MAPKAP1: variants seen among roughly 807,000 people sequenced by gnomAD.
The protein encoded by MAPKAP1 is MAPK associated protein 1.
Under a neutral mutation model 65.7 loss-of-function variants are expected in MAPKAP1, and 20 were observed. The ratio of observed to expected loss-of-function variants is 0.30; its 90% CI spans 0.21 to 0.44. MAPKAP1 has a LOEUF of 0.44. Ranked by LOEUF, MAPKAP1 falls within the 20% of genes least tolerant of loss-of-function variation. The pLI, the probability that MAPKAP1 is intolerant of heterozygous loss-of-function variation, is 1.00. For missense variants in MAPKAP1, 423 were observed against 648.0 expected, an observed-to-expected ratio of 0.65 and a Z score of 3.77; for synonymous variants, 222 against 244.3, an observed-to-expected ratio of 0.91 and a Z score of 0.85.
At chr9:125,496,122 A>C (rs1854935303) in intron 8 of MAPKAP1, among the ~76,000 whole-genome samples, 1 of 152,158 alleles carries the variant, frequency 6.6e-6, no homozygotes. Flanking sequence ...AGGCCCACAA[A>C]GAAGGAGGAC....
intron 8 of MAPKAP1, among the ~76,000 whole-genome samples, chr9:125,494,952 T>A (rs886182017): frequency 6.6e-6 from 1 of 152,198 alleles, no homozygotes; most frequent in African/African-American, 2.4e-5. Context: ...GGGGAATGCA[T>A]GAACAAATAT....
chr9:125,610,121 C>T (rs912303649), intron 4 of MAPKAP1, among the ~76,000 whole-genome samples: 1 of 152,208 alleles, frequency 6.6e-6, no homozygotes, highest in African/African-American at 2.4e-5. Context: ...GAAAAAACAT[C>T]TTCTTACATT....
chr9:125,610,600 G>A (rs1335494968), intron 4 of MAPKAP1, among the ~76,000 whole-genome samples: 2 of 152,186 alleles, frequency 1.3e-5, no homozygotes, highest in Non-Finnish European at 2.9e-5. Context: ...AGACCTACAT[G>A]TGAGAGTAAA....
chr9:125,591,382 T>C (rs1402774498), intron 4 of MAPKAP1, among the ~76,000 whole-genome samples: 2 of 152,142 alleles, frequency 1.3e-5, no homozygotes, highest in Admixed American at 1.3e-4. Flanking sequence ...CCACTGTCAG[T>C]TGACTGAAGG....
intron 8 of MAPKAP1, among the ~76,000 whole-genome samples, chr9:125,501,079 A>G (rs1006529496): frequency 2.6e-5 from 4 of 152,186 alleles, no homozygotes; most frequent in African/African-American, 4.8e-5. Flanking sequence ...ACATTGTCTC[A>G]CTATACGATC....
intron 4 of MAPKAP1, among the ~76,000 whole-genome samples, chr9:125,648,436 A>C (rs1339622101): frequency 6.6e-6 from 1 of 152,236 alleles, no homozygotes. Flanking sequence ...GCCAAAAAGA[A>C]TCCAAGAGGT....
At chr9:125,466,826 C>G (rs975607601) in intron 10 of MAPKAP1, among the ~76,000 whole-genome samples, 2 of 152,196 alleles carry the variant, frequency 1.3e-5, no homozygotes, top group Non-Finnish European at 2.9e-5. Context: ...AACACATAGT[C>G]CAGCAGAGTT....
intron 7 of MAPKAP1, among the ~76,000 whole-genome samples, chr9:125,523,109 C>A (rs1343034031): frequency 2.0e-5 from 3 of 152,182 alleles, no homozygotes; most frequent in African/African-American, 7.2e-5. Flanking sequence ...CCCCAGCCAA[C>A]CAAAAACAGG....
At chr9:125,618,903 A>T (rs1832819648) in intron 4 of MAPKAP1, among the ~76,000 whole-genome samples, 1 of 152,192 alleles carries the variant, frequency 6.6e-6, no homozygotes, top group South Asian at 2.1e-4. Context: ...AGGCCAAGGC[A>T]AGAGAATGCC....
chr9:125,608,483 C>G (rs918437689), intron 4 of MAPKAP1, among the ~76,000 whole-genome samples: 4 of 152,198 alleles, frequency 2.6e-5, no homozygotes, highest in Non-Finnish European at 5.9e-5. Context: ...TAAAAGCCAT[C>G]ACATTTGCAT....
intron 7 of MAPKAP1, among the ~76,000 whole-genome samples, chr9:125,511,430 G>C (rs577807077): frequency 6.6e-6 from 1 of 152,286 alleles, no homozygotes; most frequent in South Asian, 2.1e-4. Flanking sequence ...GGAACTAGTA[G>C]AAGTGAGAGA....
chr9:125,470,809 G>C (rs1054494455), intron 9 of MAPKAP1, among the ~76,000 whole-genome samples: 97 of 152,256 alleles, frequency 6.4e-4, no homozygotes, highest in African/African-American at 2.3e-3. Context: ...TTCCAAAAAA[G>C]TTGCATGTGA....
In MAPKAP1 at chr9:125,543,433, A is replaced by AT. The variant is rs566195288; in HGVS notation, c.849-266dup. On this transcript the variant is annotated intron_variant, in intron 6 of 11. Coordinates refer to ENST00000265960, the MANE Select transcript of MAPKAP1 (RefSeq NM_001006617.3). ...AGGCGCCCGCCACTACATCCGGCTA[A>AT]TTTTTTGTATTTTTTTTTTTTTTTA... Among the ~76,000 whole-genome samples the AT allele has an allele frequency of 2.5e-3, 376 of 151,020 alleles. 5 individuals are homozygous for AT. The highest frequency in any genetic ancestry group is 0.024 in the East Asian group (121 of 5,128).
intron 1 of MAPKAP1, among the ~76,000 whole-genome samples, 152 bp downstream of exon 1, chr9:125,706,819 C>G (rs1464290096): frequency 6.6e-6 from 1 of 152,198 alleles, no homozygotes; most frequent in East Asian, 1.9e-4. Context: ...CTGGAAATGG[C>G]CAGGAAACGA....
intron 6 of MAPKAP1, among the ~76,000 whole-genome samples, chr9:125,554,872 TA>T (rs1448912847): frequency 6.6e-6 from 1 of 151,094 alleles, no homozygotes; most frequent in Non-Finnish European, 1.5e-5. Context: ...GGGGACACAT[TA>T]TAAATCAATT....
Position 125,694,388 on chromosome 9 carries a change from G to A in MAPKAP1, c.-70+12583C>T, listed in dbSNP as rs901997028. Among the ~76,000 whole-genome samples, 4 of 151,870 alleles carry A rather than the reference G, an allele frequency of 2.6e-5. No homozygotes were observed. In the East Asian group the frequency reaches 5.8e-4, roughly 22 times the overall value. On this transcript the variant is annotated intron_variant, in intron 1 of 11. Coordinates refer to ENST00000265960, the MANE Select transcript of MAPKAP1 (RefSeq NM_001006617.3). ...AAAACAAATGCAGTTCTTCATAACT[G>A]TAGGGAAAAAGGACTTAAGCACACA...
intron 4 of MAPKAP1, among the ~76,000 whole-genome samples, chr9:125,651,565 G>A (rs909842567): frequency 6.6e-6 from 1 of 152,208 alleles, no homozygotes; most frequent in African/African-American, 2.4e-5. Context: ...GAGATGGTGC[G>A]ACTGCACTCC....
intron 5 of MAPKAP1, among the ~76,000 whole-genome samples, chr9:125,584,727 G>C (rs1266765424): frequency 2.0e-5 from 3 of 152,112 alleles, no homozygotes; most frequent in Non-Finnish European, 2.9e-5. Flanking sequence ...GCACCCAGCT[G>C]AGAGTCCATT....
intron 5 of MAPKAP1, among the ~76,000 whole-genome samples, chr9:125,565,073 G>A (rs968408374): frequency 1.3e-5 from 2 of 152,020 alleles, no homozygotes; most frequent in Non-Finnish European, 2.9e-5. Context: ...TGGGTGTGGG[G>A]GTGTACAGGG....
Sources: gnomAD v4.1 joint callset for allele counts (sites outside exome capture counted in the v4.1 genomes callset) on GRCh38, gnomAD v4.1.1 for gene constraint, MANE v1.5 for transcripts, NCBI Gene and HGNC (gene_info 2026-07-23, HGNC 2026-07-21) for gene names.